GCC2: variants seen among roughly 807,000 people sequenced by gnomAD.
GCC2 encodes the protein GRIP and coiled-coil domain containing 2.
GCC2 carries 120 observed loss-of-function variants against 210.6 expected under a neutral mutation model. That is an observed-to-expected ratio of 0.57 (90% CI 0.49 to 0.66). The LOEUF (loss-of-function observed/expected upper bound fraction) is 0.66. GCC2 is among the 30% of genes least tolerant of loss of function. The pLI, the probability that GCC2 is intolerant of heterozygous loss-of-function variation, is 0.00. For missense variants in GCC2, 1,868 were observed against 1,871.9 expected (o/e 1.00, Z 0.04); for synonymous variants, 703 against 652.7 (o/e 1.08, Z -1.17).
At chr2:108,452,352 A>G (rs753147385) in intron 3 of GCC2, 47 bp from the exon 4 acceptor site, 10 of 960,306 alleles carry the variant, frequency 1.0e-5, no homozygotes, top group Non-Finnish European at 1.7e-5. Flanking sequence ...CCCAGTAATT[A>G]TGTTCTTTAT....
At chr2:108,469,222 A>G (rs1160214204) in intron 5 of GCC2, 138 bp downstream of exon 5, 2 of 514,238 alleles carry the variant, frequency 3.9e-6, no homozygotes, top group Non-Finnish European at 6.9e-6. Context: ...TTGAGATTTT[A>G]AAAGAAAAAT....
intron 4 of GCC2, chr2:108,462,556 GCTT>G (rs1458520189): frequency 3.1e-5 from 2 of 63,982 alleles, no homozygotes; most frequent in African/African-American, 8.6e-5. Context: ...CAAAGACTTC[GCTT>G]CTTTTTTTTT....
Position 108,470,810 on chromosome 2 carries a change from TG to T in GCC2, c.1486del (p.Glu496AsnfsTer6). ...ATTATGGAAATTTTACAAACAGAACTGGGGGAATCTGCTGGAAAAATAAGTC... is the reference window on the plus strand; with the variant it reads ...ATTATGGAAATTTTACAAACAGAACTGGGGAATCTGCTGGAAAAATAAGTC... ...REIMEILQTE[L>X]GESAGKISQE... On this transcript the variant is annotated frameshift_variant, in exon 6 of 23. Transcript: ENST00000309863. LOFTEE classifies it high-confidence loss of function. The T allele has an allele frequency of 6.2e-7, 1 of 1,613,616 alleles. No homozygotes were observed. The highest frequency in any genetic ancestry group is 1.1e-5 in the South Asian group (1 of 91,028).
At chr2:108,505,790 CTG>C (rs1221949058) in intron 22 of GCC2, among the ~76,000 whole-genome samples, 1 of 152,052 alleles carries the variant, frequency 6.6e-6, no homozygotes, top group East Asian at 1.9e-4. Context: ...CCCACAGAAA[CTG>C]TGAAATAAAT....
At chr2:108,463,568 C>A (rs777340029) in intron 4 of GCC2, among the ~76,000 whole-genome samples, 12 of 152,116 alleles carry the variant, frequency 7.9e-5, no homozygotes, top group Non-Finnish European at 1.6e-4. Context: ...CCAAGTAGGC[C>A]AGTCTTCAGG....
intron 4 of GCC2, among the ~76,000 whole-genome samples, chr2:108,468,105 A>C (rs1558737032): frequency 6.6e-6 from 1 of 151,238 alleles, no homozygotes; most frequent in Non-Finnish European, 1.5e-5. Context: ...TCTGTCACCC[A>C]GGCTGGAGTA....
rs755993632 is a variant in GCC2, at chr2:108,486,606, G to A, written c.3888G>A (p.Gln1296=). Reference sequence around the variant, plus strand: ...ACCAGCGTACGCTAAGTGCATACCAGCAGAGAGTGACAGCACTACAGGAAG... The same window carrying A: ...ACCAGCGTACGCTAAGTGCATACCAACAGAGAGTGACAGCACTACAGGAAG... ...EQHQRTLSAY[Q]QRVTALQEEC... Residue 1296 remains glutamine, a synonymous_variant, in exon 16 of 23, where the codon CAG becomes CAA. Transcript: ENST00000309863. 2.5e-6 allele frequency: 4 copies of A among 1,613,924 alleles called. No individual in the cohort carries two copies. In the South Asian group the frequency reaches 4.4e-5, roughly 18 times the overall value.
At chr2:108,469,611 C>T in intron 5 of GCC2, 40 bp from the exon 6 acceptor site, 2 of 1,441,264 alleles carry the variant, frequency 1.4e-6, no homozygotes, top group South Asian at 1.4e-5. Flanking sequence ...CTCCTTTTGT[C>T]TTACTTAAAT....
At chr2:108,451,819 C>T (rs889912156) in intron 3 of GCC2, among the ~76,000 whole-genome samples, 2 of 147,794 alleles carry the variant, frequency 1.4e-5, no homozygotes, top group African/African-American at 2.5e-5. Context: ...CTTAGATTAA[C>T]GTTTCTTTTC....
Position 108,507,718 on chromosome 2 carries a change from G to T in GCC2, c.*88G>T. 1.1e-6 allele frequency: 1 copy of T among 951,202 alleles called. No homozygotes were observed. 58.9% of individuals were successfully genotyped at this position (951,202 alleles called of 1,614,324 possible). ...ATTACCACAATTCTTTTGTCAAAAA[G>T]TGTGTATATATGTTTGCATCTACAT... is the stretch of plus-strand genomic sequence containing the variant. On this transcript the variant is annotated 3_prime_UTR_variant, in exon 23 of 23. Coordinates refer to ENST00000309863, the MANE Select transcript of GCC2 (RefSeq NM_181453.4).
intron 4 of GCC2, among the ~76,000 whole-genome samples, chr2:108,459,755 T>TTTTTTC: frequency 9.2e-6 from 1 of 108,874 alleles, no homozygotes; most frequent in Non-Finnish European, 2.0e-5. Flanking sequence ...CTTTTTTTTT[T>TTTTTTC]TTTTTTTTTT....
intron 9 of GCC2, among the ~76,000 whole-genome samples, chr2:108,479,671 AG>A (rs1681735053): frequency 6.6e-6 from 1 of 151,736 alleles, no homozygotes; most frequent in African/African-American, 2.4e-5. Flanking sequence ...ACGATCCAAA[AG>A]AGCATAAATG....
At chr2:108,469,110 TC>T (rs1299083182) in intron 5 of GCC2, 26 bp downstream of exon 5, 1 of 1,360,786 alleles carries the variant, frequency 7.3e-7, no homozygotes, top group Non-Finnish European at 1.1e-6. Context: ...AGTGTTCTTT[TC>T]TTTTTTATTA....
Position 108,452,435 on chromosome 2 carries a change from C to T in GCC2, c.185C>T (p.Pro62Leu). Reference sequence around the variant, plus strand: ...GAAATTGAAGAACTCAGATCAAAACCTGTTACTGAAGGAACTGGTGATATT... The same window carrying T: ...GAAATTGAAGAACTCAGATCAAAACTTGTTACTGAAGGAACTGGTGATATT... Reference protein sequence around the residue: ...EKEIEELRSKPVTEGTGDIIK... With the variant: ...EKEIEELRSKLVTEGTGDIIK... Residue 62 changes from proline to leucine, a missense_variant, in exon 4 of 23, where the codon CCT becomes CTT. Physicochemically the swap from Pro to Leu is moderately conservative, Grantham distance 98. This residue lies in a region of GCC2 where 1,847 missense variants were observed against 1,765.2 expected (regional missense o/e 1.05). Transcript: ENST00000309863. 1 of 1,558,658 alleles carries T rather than the reference C, an allele frequency of 6.4e-7. No individual in the cohort carries two copies. Among genetic ancestry groups the T allele is most frequent in the South Asian group, 1.1e-5 (1 of 89,822 alleles).
chr2:108,475,904 A>G, intron 9 of GCC2, 54 bp downstream of exon 9: 1 of 913,992 alleles, frequency 1.1e-6, no homozygotes, highest in Non-Finnish European at 1.7e-6. Flanking sequence ...AATAACTTCT[A>G]AGTTAAGAAA....
intron 2 of GCC2, 112 bp downstream of exon 2, chr2:108,449,801 G>A: frequency 2.7e-6 from 2 of 745,308 alleles, no homozygotes; most frequent in Non-Finnish European, 2.3e-6. Flanking sequence ...TAATAGCCTT[G>A]CTCCAAGGGA....
chr2:108,455,264 AC>A (rs766075270), intron 4 of GCC2, among the ~76,000 whole-genome samples: 8 of 152,064 alleles, frequency 5.3e-5, no homozygotes, highest in Non-Finnish European at 1.2e-4. Context: ...ACTTGGTGAA[AC>A]CCCATCTCTA....
chr2:108,492,706 A>C lies in GCC2; in HGVS notation c.4363A>C (p.Arg1455=). 1 of 1,614,124 alleles carries C rather than the reference A, an allele frequency of 6.2e-7. No homozygotes were observed. Among genetic ancestry groups the C allele is most frequent in the East Asian group, 2.2e-5 (1 of 44,880 alleles). The change falls in exon 19 of 23, where the codon AGA becomes CGA. Residue 1455 remains arginine (R), a synonymous_variant. Transcript: ENST00000309863. ...AGTGCGACATTTGCAGGAAGAACAC[A>C]GAAAGACAGTGGAGACATTACAGCA... ...DQVRHLQEEH[R]KTVETLQQQL...
intron 4 of GCC2, among the ~76,000 whole-genome samples, chr2:108,459,764 T>TTTTTTTTTTTTTTTTTTTTTTTTC (rs1680461436): frequency 7.4e-6 from 1 of 134,914 alleles, no homozygotes. Flanking sequence ...TTTTTTTTTT[T>TTTTTTTTTTTTTTTTTTTTTTTTC]TTTTTTTTTT....
Sources: allele counts gnomAD v4.1 joint callset (sites outside exome capture counted in the v4.1 genomes callset), GRCh38; gene constraint gnomAD v4.1.1; regional missense constraint gnomAD v4.1.1; transcripts MANE v1.5; gene names NCBI Gene and HGNC (gene_info 2026-07-23, HGNC 2026-07-21).